The following STRN4 variants were observed in gnomAD, a reference collection of about 807,000 sequenced individuals.
STRN4 encodes the protein striatin-4.
STRN4 carries 27 observed loss-of-function variants against 77.9 expected under a neutral mutation model. That is an observed-to-expected ratio of 0.35 (90% CI 0.26 to 0.48). The LOEUF (loss-of-function observed/expected upper bound fraction) is 0.48, where lower values mean the gene tolerates loss of function less well. Among genes scored for constraint, STRN4 ranks in the 20% least tolerant of loss-of-function variants. STRN4 has a pLI of 0.99. For synonymous variants in STRN4, 466 were observed against 443.1 expected (o/e 1.05, Z -0.65); for missense variants, 798 against 1,049.7 (o/e 0.76, Z 3.31).
chr19:46,726,467 A>T (rs1377608006), intron 9 of STRN4, among the ~76,000 whole-genome samples: 1 of 139,232 alleles, frequency 7.2e-6, no homozygotes, highest in East Asian at 2.1e-4. Context: ...TAACATAGGG[A>T]GATCCCCTCA....
intron 4 of STRN4, among the ~76,000 whole-genome samples, chr19:46,735,197 T>C (rs1599884264): frequency 6.6e-6 from 1 of 151,982 alleles, no homozygotes; most frequent in Middle Eastern, 3.4e-3. Context: ...TCCCAGCTAC[T>C]TGGGAGGCTG....
At chr19:46,725,853 C>G (rs1599865192) in intron 9 of STRN4, 1 of 658,840 alleles carries the variant, frequency 1.5e-6, no homozygotes, top group East Asian at 2.8e-5. Flanking sequence ...CCACACTGCG[C>G]TGGGTTCTGG....
intron 12 of STRN4, 107 bp downstream of exon 12, chr19:46,724,700 C>T: frequency 3.3e-6 from 5 of 1,537,540 alleles, no homozygotes; most frequent in Non-Finnish European, 4.4e-6. Flanking sequence ...CACACGCACT[C>T]CTGAGGCCTG....
chr19:46,738,321 C>G lies in STRN4; in HGVS notation c.387-84G>C. The G allele has an allele frequency of 7.7e-7, 1 of 1,298,042 alleles. No homozygotes were observed. The highest frequency in any genetic ancestry group is 1.8e-4 in the Middle Eastern group (1 of 5,486). The allele number at this position is 1,298,042 out of a possible 1,614,324, so 80.4% of individuals were successfully genotyped here. ...TACCTAAGGAATCCAGAATCCCAAA[C>G]CCCAAATCACAGGGCCTCCCCCAGC... On this transcript the variant is annotated intron_variant, in intron 2 of 17. Coordinates refer to ENST00000263280, the MANE Select transcript of STRN4 (RefSeq NM_013403.3). This position sits in a 1 kb window ranked among gnomAD's most constrained non-coding sequence, Gnocchi z 4.5.
In STRN4 at chr19:46,733,435, A is replaced by AGCAT; in HGVS notation, c.540-200_540-199insATGC. On this transcript the variant is annotated intron_variant, in intron 4 of 17. Coordinates refer to ENST00000263280, the MANE Select transcript of STRN4 (RefSeq NM_013403.3). The surrounding 1 kb of genome is among the most constrained non-coding windows in gnomAD (Gnocchi z 4.3). ...AGCCCTTGTACACACACACAATGCTATGTGTGAGGGTGCTCCCTGCACTGC... is the reference window on the plus strand; with the variant it reads ...AGCCCTTGTACACACACACAATGCTAGCATTGTGTGAGGGTGCTCCCTGCACTGC... 1 of 594,920 alleles carries AGCAT rather than the reference A, an allele frequency of 1.7e-6. No homozygotes were observed. The highest frequency in any genetic ancestry group is 3.0e-6 in the Non-Finnish European group (1 of 333,374). The allele number at this position is 594,920 out of a possible 1,614,324, so 36.9% of individuals were successfully genotyped here.
Position 46,725,359 on chromosome 19 carries a change from T to G in STRN4, c.1445A>C (p.Glu482Ala). ...TAKKNAALDV[E>A]PIHAFRAHRG... ...GTGAGCCCGGAAAGCATGTATAGGT[T>G]CCACATCTAGCGCCGCATTCCTGTG... The change falls in exon 11 of 18, where the codon GAA becomes GCA. Residue 482 changes from glutamate (E) to alanine (A), a missense_variant. Physicochemically the swap from Glu to Ala is moderately radical, Grantham distance 107. Transcript: ENST00000263280. 1 of 1,614,112 alleles carries G rather than the reference T, an allele frequency of 6.2e-7. No individual in the cohort carries two copies. The highest frequency in any genetic ancestry group is 8.5e-7 in the Non-Finnish European group (1 of 1,180,022).
At chr19:46,737,387 A>T (rs1203985450) in intron 3 of STRN4, among the ~76,000 whole-genome samples, 1 of 152,236 alleles carries the variant, frequency 6.6e-6, no homozygotes, top group Non-Finnish European at 1.5e-5. Flanking sequence ...GTGCCTGGCC[A>T]GGGGCCTGGG....
At chr19:46,722,446 G>C in intron 14 of STRN4, 106 bp from the exon 15 acceptor site, 2 of 1,208,472 alleles carry the variant, frequency 1.7e-6, no homozygotes, top group Non-Finnish European at 2.4e-6. Flanking sequence ...CCTCTGCCTG[G>C]ATGTCGAGGG....
chr19:46,743,640 C>A (rs2054513872), intron 1 of STRN4, among the ~76,000 whole-genome samples: 1 of 152,302 alleles, frequency 6.6e-6, no homozygotes, highest in Non-Finnish European at 1.5e-5. Context: ...TGGCTTATGC[C>A]TGTAATCCCA....
rs371401041 is a variant in STRN4 at position 46,728,017 on chromosome 19, C to G, written c.1040-10G>C. ...TTGACCCGACGGCTTTCTGCAGGGTCGAGGCATAGGGCCGGAGTCACCCAG... is the reference window on the plus strand; with the variant it reads ...TTGACCCGACGGCTTTCTGCAGGGTGGAGGCATAGGGCCGGAGTCACCCAG... On this transcript the variant is annotated splice_polypyrimidine_tract_variant and intron_variant, in intron 7 of 17. Coordinates refer to ENST00000263280, the MANE Select transcript of STRN4 (RefSeq NM_013403.3). The G allele has an allele frequency of 6.0e-5, 96 of 1,612,594 alleles. No individual in the cohort carries two copies. In the Middle Eastern group the frequency reaches 1.8e-3, roughly 30 times the overall value.
intron 7 of STRN4, chr19:46,728,353 G>A (rs1259573515): frequency 3.4e-6 from 2 of 590,868 alleles, no homozygotes; most frequent in Non-Finnish European, 6.0e-6. Flanking sequence ...GCCAGCCAGA[G>A]CTGGACGCCC....
intron 1 of STRN4, among the ~76,000 whole-genome samples, chr19:46,744,756 G>C (rs1021832279): frequency 6.6e-6 from 1 of 151,790 alleles, no homozygotes; most frequent in African/African-American, 2.4e-5. Context: ...CGGCAAATCG[G>C]AAGGGGAAAG....
chr19:46,743,252 TCACA>T (rs151011255), intron 1 of STRN4, among the ~76,000 whole-genome samples: 4 of 150,216 alleles, frequency 2.7e-5, no homozygotes, highest in African/African-American at 4.9e-5. Context: ...ATACACACAC[TCACA>T]CACACACACA....
In STRN4 at chr19:46,730,959, C is replaced by T. The variant is rs1394117030; in HGVS notation, c.738-86G>A. 3 of 1,566,824 alleles carry T rather than the reference C, an allele frequency of 1.9e-6. No homozygotes were observed. In the African/African-American group the frequency reaches 4.0e-5, roughly 21 times the overall value. ...GAAGGTGCCCTCCCAGGCTTGGTGG[C>T]CAGAGCCCAGACCCAGCTAACCCCC... On this transcript the variant is annotated intron_variant, in intron 5 of 17. Coordinates refer to ENST00000263280, the MANE Select transcript of STRN4 (RefSeq NM_013403.3).
In STRN4 at chr19:46,722,089, G is replaced by A. The variant is rs781353698; in HGVS notation, c.2006-17C>T. 18 of 1,611,898 alleles carry A rather than the reference G, an allele frequency of 1.1e-5. No homozygotes were observed. Among genetic ancestry groups the A allele is most frequent in the Middle Eastern group, 1.6e-4 (1 of 6,074 alleles). ...CCGGCTTACCTGAGGCGAGAAGGGCGGGTGGCAGGTTCCCCTCCCACTCTG... is the reference window on the plus strand; with the variant it reads ...CCGGCTTACCTGAGGCGAGAAGGGCAGGTGGCAGGTTCCCCTCCCACTCTG... On this transcript the variant is annotated splice_polypyrimidine_tract_variant and intron_variant, in intron 15 of 17. Transcript: ENST00000263280.
At chr19:46,731,898 GT>G (rs2054263954) in intron 5 of STRN4, 1 of 152,342 alleles carries the variant, frequency 6.6e-6, no homozygotes, top group Non-Finnish European at 1.5e-5. Context: ...CCATGTGCTT[GT>G]TCAACTAGAC....
chr19:46,746,037 C>G lies in STRN4; in HGVS notation c.282+112G>C, dbSNP rs1034659793. 15 of 1,232,146 alleles carry G rather than the reference C, an allele frequency of 1.2e-5. 1 individual carries two copies. Among genetic ancestry groups the G allele is most frequent in the East Asian group, 3.4e-5 (1 of 29,602 alleles). The allele number at this position is 1,232,146 out of a possible 1,614,324, so 76.3% of individuals were successfully genotyped here. ...ACCGTCGCGGTCCCCTCCCGCCCCC[C>G]CGCCGGCCGTCCCGGCGGCCATTGC... is the stretch of plus-strand genomic sequence containing the variant. On this transcript the variant is annotated intron_variant, in intron 1 of 17. Transcript: ENST00000263280.
intron 1 of STRN4, 132 bp downstream of exon 1, chr19:46,746,017 C>T: frequency 1.7e-6 from 2 of 1,160,268 alleles, no homozygotes; most frequent in East Asian, 3.4e-5. Context: ...CCGGGACCGT[C>T]GCGGTCCCCT....
At chr19:46,729,124 G>A (rs1291273329) in intron 6 of STRN4, among the ~76,000 whole-genome samples, 1 of 152,216 alleles carries the variant, frequency 6.6e-6, no homozygotes, top group Non-Finnish European at 1.5e-5. Flanking sequence ...AATATACGGA[G>A]GTGCAAACAA....
Sources: allele counts gnomAD v4.1 joint callset (sites outside exome capture counted in the v4.1 genomes callset), GRCh38; gene constraint gnomAD v4.1.1; non-coding constraint Gnocchi (gnomAD v3.1); transcripts MANE v1.5; gene names NCBI Gene and HGNC (gene_info 2026-07-23, HGNC 2026-07-21).